Variants in PTCD2 observed in about 807,000 individuals in gnomAD.
PTCD2 encodes pentatricopeptide repeat domain 2.
A neutral mutation model predicts 42.6 loss-of-function variants in PTCD2; 31 were observed. That is an observed-to-expected ratio of 0.73 (90% CI 0.55 to 0.98). The LOEUF (loss-of-function observed/expected upper bound fraction) is 0.98. Among genes scored for constraint, PTCD2 ranks in the 50% least tolerant of loss-of-function variants. The pLI is 0.00. For missense variants in PTCD2, 476 were observed against 454.8 expected (o/e 1.05, Z -0.42); for synonymous variants, 183 against 170.9 (o/e 1.07, Z -0.55).
chr5:72,335,127 A>C, intron 5 of PTCD2, 31 bp downstream of exon 5: 1 of 1,285,244 alleles, frequency 7.8e-7, no homozygotes. Context: ...TTGCTGAAAA[A>C]TTCTGCCATG....
chr5:72,322,927 G>A (rs968170791), intron 2 of PTCD2, among the ~76,000 whole-genome samples: 8 of 152,204 alleles, frequency 5.3e-5, no homozygotes, highest in African/African-American at 1.9e-4. Context: ...GCCAAGGCAG[G>A]AGGATTGCTT....
chr5:72,333,234 C>G (rs937005503), intron 4 of PTCD2, among the ~76,000 whole-genome samples: 3 of 152,190 alleles, frequency 2.0e-5, no homozygotes, highest in African/African-American at 7.2e-5. Context: ...CTCACAGCCT[C>G]TAACTGGAAC....
intron 4 of PTCD2, among the ~76,000 whole-genome samples, chr5:72,332,945 C>T (rs1751518043): frequency 6.6e-6 from 1 of 152,208 alleles, no homozygotes; most frequent in South Asian, 2.1e-4. Context: ...GTTGAAATTA[C>T]ATCTTGGATA....
At chr5:72,339,184 C>T (rs1751914252) in intron 7 of PTCD2, among the ~76,000 whole-genome samples, 1 of 152,174 alleles carries the variant, frequency 6.6e-6, no homozygotes, top group South Asian at 2.1e-4. Context: ...CATTTAGCCT[C>T]ATTCCCCTGA....
chr5:72,324,801 C>T (rs920730663), intron 2 of PTCD2, among the ~76,000 whole-genome samples: 3 of 152,168 alleles, frequency 2.0e-5, no homozygotes, highest in East Asian at 1.9e-4. Context: ...CTATTCCTTA[C>T]GCTTCTTGGT....
intron 9 of PTCD2, among the ~76,000 whole-genome samples, chr5:72,357,527 T>C (rs1320629377): frequency 2.0e-5 from 3 of 152,222 alleles, no homozygotes; most frequent in African/African-American, 4.8e-5. Flanking sequence ...TTTCCCACTT[T>C]AGATGCTCTG....
At chr5:72,330,036 C>G (rs1751360137) in intron 3 of PTCD2, among the ~76,000 whole-genome samples, 1 of 151,536 alleles carries the variant, frequency 6.6e-6, no homozygotes, top group Admixed American at 6.6e-5. Context: ...GGGTTCATGC[C>G]ATTCTCCTGC....
At chr5:72,327,258 T>C (rs1406152618) in intron 3 of PTCD2, among the ~76,000 whole-genome samples, 2 of 152,136 alleles carry the variant, frequency 1.3e-5, no homozygotes, top group African/African-American at 4.8e-5. Flanking sequence ...CCTAAATCCT[T>C]TCAGTGGACT....
At chr5:72,334,288 G>A (rs192720604) in intron 4 of PTCD2, among the ~76,000 whole-genome samples, 88 of 152,246 alleles carry the variant, frequency 5.8e-4, no homozygotes, top group African/African-American at 1.7e-3. Flanking sequence ...TGTATTATCC[G>A]TTGCCAAAAA....
At chr5:72,342,187 C>G (rs1393061456) in intron 7 of PTCD2, among the ~76,000 whole-genome samples, 1 of 152,182 alleles carries the variant, frequency 6.6e-6, no homozygotes, top group Non-Finnish European at 1.5e-5. Context: ...GAGCACTGTT[C>G]TAGACTAGCA....
At chr5:72,327,704 C>G (rs1045071871) in intron 3 of PTCD2, among the ~76,000 whole-genome samples, 3 of 152,110 alleles carry the variant, frequency 2.0e-5, no homozygotes, top group African/African-American at 7.2e-5. Context: ...AACTCCTAGA[C>G]TCAAGTGATC....
intron 7 of PTCD2, among the ~76,000 whole-genome samples, chr5:72,339,947 T>C (rs1448753217): frequency 1.3e-5 from 2 of 152,236 alleles, no homozygotes; most frequent in African/African-American, 4.8e-5. Flanking sequence ...TCCTATGCTT[T>C]ATTTTTGCAA....
At chr5:72,322,561 G>A (rs116548401) in intron 2 of PTCD2, among the ~76,000 whole-genome samples, 165 of 152,248 alleles carry the variant, frequency 1.1e-3, no homozygotes, top group African/African-American at 3.9e-3. Flanking sequence ...GAGGACCAGC[G>A]GCATCAGCAT....
chr5:72,325,007 C>A (rs1363554796), intron 2 of PTCD2, among the ~76,000 whole-genome samples: 1 of 151,976 alleles, frequency 6.6e-6, no homozygotes, highest in East Asian at 1.9e-4. Flanking sequence ...ATTGCAACCT[C>A]TGCCTCCCAG....
chr5:72,355,012 G>A (rs1580191165), intron 9 of PTCD2, among the ~76,000 whole-genome samples: 1 of 152,276 alleles, frequency 6.6e-6, no homozygotes, highest in South Asian at 2.1e-4. Flanking sequence ...AAGAAGGCGG[G>A]ACCATATAGT....
chr5:72,357,695 A>G (rs2112240399), intron 9 of PTCD2, among the ~76,000 whole-genome samples: 1 of 152,054 alleles, frequency 6.6e-6, no homozygotes, highest in South Asian at 2.1e-4. Context: ...ATTATATATG[A>G]TGTGTTATTT....
At chr5:72,355,236 A>G (rs1179988460) in intron 9 of PTCD2, among the ~76,000 whole-genome samples, 1 of 152,170 alleles carries the variant, frequency 6.6e-6, no homozygotes, top group African/African-American at 2.4e-5. Flanking sequence ...GCATATTTCA[A>G]AAATGCCAAA....
At chr5:72,347,748 G>A (rs941205366) in intron 8 of PTCD2, among the ~76,000 whole-genome samples, 2 of 151,932 alleles carry the variant, frequency 1.3e-5, no homozygotes, top group African/African-American at 2.4e-5. Context: ...AAATGAGAAG[G>A]TGCTTTGGTG....
At position 72,368,213 on chromosome 5, in the gene PTCD2, A is replaced by G. The variant is rs772678924; in HGVS notation, c.*9786A>G. On this transcript the variant is annotated 3_prime_UTR_variant, in exon 10 of 10. Transcript: ENST00000380639. ...GATAGATGCAGAGTGTGGGACAAAG[A>G]CAACCAGCACATTGCTAAGCCCAAG... 1 of 152,222 alleles carries G rather than the reference A, an allele frequency of 6.6e-6. No homozygotes were observed. Among genetic ancestry groups the G allele is most frequent in the Non-Finnish European group, 1.5e-5 (1 of 68,044 alleles). The allele number at this position is 152,222 out of a possible 1,614,324, so 9.4% of individuals were successfully genotyped here. A position where few individuals can be genotyped will look rare whatever the true frequency, so the allele number is the denominator to read the frequency against.
Sources: gnomAD v4.1 joint callset for allele counts (sites outside exome capture counted in the v4.1 genomes callset) on GRCh38, gnomAD v4.1.1 for gene constraint, MANE v1.5 for transcripts, NCBI Gene and HGNC (gene_info 2026-07-23, HGNC 2026-07-21) for gene names.